DUSP29: variants seen among roughly 807,000 people sequenced by gnomAD.
DUSP29 encodes the protein atypical dual-specific protein phosphatase.
A neutral mutation model predicts 13.5 loss-of-function variants in DUSP29; 12 were observed. The ratio of observed to expected loss-of-function variants is 0.89; its 90% CI spans 0.57 to 1.44. DUSP29 has a LOEUF of 1.44. Ranked by LOEUF, DUSP29 falls within the 40% of genes most tolerant of loss-of-function variation. The pLI is 0.00. For synonymous variants in DUSP29, 134 were observed against 128.7 expected (o/e 1.04, Z -0.28); for missense variants, 308 against 301.1 (o/e 1.02, Z -0.17).
At chr10:75,070,841 G>C (rs1446411042) in intron 1 of DUSP29, among the ~76,000 whole-genome samples, 1 of 152,204 alleles carries the variant, frequency 6.6e-6, no homozygotes, top group Admixed American at 6.5e-5. Flanking sequence ...TAGGAGATCT[G>C]ACCCCCTCGT....
intron 3 of DUSP29, 25 bp downstream of exon 3, chr10:75,043,772 C>G (rs201160238): frequency 1.3e-6 from 2 of 1,551,088 alleles, no homozygotes; most frequent in Admixed American, 1.7e-5. Flanking sequence ...CGGGGCCGAT[C>G]GGGGCGGGGC....
At position 75,073,596 on chromosome 10, in the gene DUSP29, G is replaced by A. The variant is rs1847383846; in HGVS notation, c.-62C>T. ...GGGTGTGCCGGGGCCTGGCCGCGTC[G>A]GGAGGTTCTGGTCCGTGGGGCATGT... On this transcript the variant is annotated 5_prime_UTR_variant, in exon 1 of 4. Transcript: ENST00000338487. Among the ~76,000 whole-genome samples, 1 of 152,182 alleles carries A rather than the reference G, an allele frequency of 6.6e-6. No homozygotes were observed.
chr10:75,070,171 T>G (rs1847300760), intron 1 of DUSP29, among the ~76,000 whole-genome samples: 1 of 151,838 alleles, frequency 6.6e-6, no homozygotes, highest in Admixed American at 6.6e-5. Context: ...AGGGAATAAC[T>G]GCCTCCACTT....
chr10:75,051,919 T>G (rs1846840634), intron 2 of DUSP29, among the ~76,000 whole-genome samples: 1 of 152,230 alleles, frequency 6.6e-6, no homozygotes, highest in South Asian at 2.1e-4. Context: ...CTCATTAACC[T>G]TGTTAAGTGA....
At position 75,050,041 on chromosome 10, in the gene DUSP29, C is replaced by G. The variant is rs551088360; in HGVS notation, c.201-6024G>C. Among the ~76,000 whole-genome samples, 9 of 152,340 alleles carry G rather than the reference C, an allele frequency of 5.9e-5. No homozygotes were observed. The East Asian group carries it at 1.7e-3, about 29-fold the overall frequency. On this transcript the variant is annotated intron_variant, in intron 2 of 3. Coordinates refer to ENST00000338487, the MANE Select transcript of DUSP29 (RefSeq NM_001003892.3). Reference sequence around the variant, plus strand: ...TGAGCAGCAGAAGTTTAACCTCACCCTGGCACTGGCTCTCCGACACCCGCA... The same window carrying G: ...TGAGCAGCAGAAGTTTAACCTCACCGTGGCACTGGCTCTCCGACACCCGCA...
chr10:75,062,644 A>G (rs1351868971), intron 1 of DUSP29, among the ~76,000 whole-genome samples: 3 of 152,178 alleles, frequency 2.0e-5, no homozygotes, highest in Non-Finnish European at 4.4e-5. Context: ...AATCTTTCCA[A>G]ATCCTGAAGG....
Position 75,047,501 on chromosome 10 carries a change from T to C in DUSP29, c.201-3484A>G, listed in dbSNP as rs532102095. Among the ~76,000 whole-genome samples, 6 of 152,150 alleles carry C rather than the reference T, an allele frequency of 3.9e-5. 1 individual carries two copies. The highest frequency in any genetic ancestry group is 2.6e-4 in the Admixed American group (4 of 15,270). On this transcript the variant is annotated intron_variant, in intron 2 of 3. Transcript: ENST00000338487. ...GCCACATACATTATCTGCTCACATATGTTAAAAAGAGACTAAGAAACACAG... is the reference window on the plus strand; with the variant it reads ...GCCACATACATTATCTGCTCACATACGTTAAAAAGAGACTAAGAAACACAG...
intron 2 of DUSP29, among the ~76,000 whole-genome samples, chr10:75,056,667 A>C (rs528862817): frequency 1.3e-4 from 18 of 142,578 alleles, no homozygotes; most frequent in Admixed American, 3.5e-4. Context: ...ACTCCATCTC[A>C]AAAAAAAAAA....
intron 2 of DUSP29, among the ~76,000 whole-genome samples, chr10:75,052,740 CCACG>C (rs1489019263): frequency 1.3e-5 from 2 of 152,194 alleles, no homozygotes; most frequent in Non-Finnish European, 2.9e-5. Context: ...GCGTGAGCCA[CCACG>C]CCTGGCCAAC....
At chr10:75,058,254 G>A (rs932235523) in intron 2 of DUSP29, 61 bp downstream of exon 2, 173 of 1,557,210 alleles carry the variant, frequency 1.1e-4, no homozygotes, top group Non-Finnish European at 1.4e-4. Flanking sequence ...AGGTGGCGCA[G>A]GGCGTGGCCT....
intron 1 of DUSP29, among the ~76,000 whole-genome samples, chr10:75,073,178 G>A (rs1296004951): frequency 3.3e-5 from 5 of 152,068 alleles, no homozygotes; most frequent in East Asian, 1.9e-4. Context: ...CACAGGATCC[G>A]AGTCACTCCA....
intron 2 of DUSP29, among the ~76,000 whole-genome samples, chr10:75,054,975 G>A (rs1463078608): frequency 1.3e-5 from 2 of 152,010 alleles, no homozygotes; most frequent in Non-Finnish European, 2.9e-5. Flanking sequence ...AAGTAGCTGG[G>A]ACTATAGGTA....
chr10:75,039,345 C>T (rs1455444107), intron 3 of DUSP29, among the ~76,000 whole-genome samples: 1 of 152,084 alleles, frequency 6.6e-6, no homozygotes, highest in Non-Finnish European at 1.5e-5. Context: ...GCCAACATGG[C>T]AAAACTCCAT....
chr10:75,044,251 C>G (rs1846656306), intron 2 of DUSP29, among the ~76,000 whole-genome samples: 1 of 152,162 alleles, frequency 6.6e-6, no homozygotes, highest in African/African-American at 2.4e-5. Flanking sequence ...GGTAGGCAAG[C>G]TGAGCTATTC....
chr10:75,058,450 G>C lies in DUSP29; in HGVS notation c.65C>G (p.Pro22Arg). The C allele has an allele frequency of 4.3e-6, 7 of 1,614,206 alleles. No individual in the cohort carries two copies. Among genetic ancestry groups the C allele is most frequent in the Non-Finnish European group, 5.1e-6 (6 of 1,180,046 alleles). ...NAYSSAKRLS[P>R]KMEEEGEEED... is the part of the protein sequence containing the mutation. ...CTCCTCCCCTTCCTCCTCCATCTTCGGCGACAGCCTCTTGGCAGATGAGTA... is the reference window on the plus strand; with the variant it reads ...CTCCTCCCCTTCCTCCTCCATCTTCCGCGACAGCCTCTTGGCAGATGAGTA... Residue 22 changes from proline to arginine, a missense_variant, in exon 2 of 4, where the codon CCG (proline) becomes CGG (arginine). Transcript: ENST00000338487.
intron 2 of DUSP29, among the ~76,000 whole-genome samples, chr10:75,052,509 G>A (rs528681395): frequency 7.9e-5 from 12 of 151,954 alleles, no homozygotes; most frequent in Admixed American, 1.3e-4. Context: ...GCATTTCACC[G>A]TGTTAGCCAG....
intron 2 of DUSP29, among the ~76,000 whole-genome samples, chr10:75,046,131 AAAAG>A (rs892669683): frequency 3.5e-5 from 5 of 143,224 alleles, no homozygotes; most frequent in Admixed American, 1.5e-4. Context: ...AAGAAAAGAA[AAAAG>A]AAAGAAAGAA....
intron 2 of DUSP29, among the ~76,000 whole-genome samples, chr10:75,045,094 C>T (rs115098031): frequency 0.064 from 9,806 of 152,290 alleles, 669 homozygotes; most frequent in East Asian, 0.15. Flanking sequence ...CAATGGCTCA[C>T]GCCTATAATC....
intron 1 of DUSP29, among the ~76,000 whole-genome samples, chr10:75,071,191 C>T (rs770348681): frequency 6.6e-5 from 10 of 152,222 alleles, no homozygotes; most frequent in Non-Finnish European, 8.8e-5. Context: ...TTTGTGTCTC[C>T]GTGTCCAATC....
Sources: allele counts gnomAD v4.1 joint callset (sites outside exome capture counted in the v4.1 genomes callset), GRCh38; gene constraint gnomAD v4.1.1; transcripts MANE v1.5; gene names NCBI Gene and HGNC (gene_info 2026-07-23, HGNC 2026-07-21).